The following CFAP54 variants were observed in gnomAD, a reference collection of about 807,000 sequenced individuals.
The protein encoded by CFAP54 is cilia and flagella associated protein 54.
A neutral mutation model predicts 370.4 loss-of-function variants in CFAP54; 290 were observed. The observed-to-expected ratio is 0.78, with a 90% CI of 0.71 to 0.86. CFAP54 has a LOEUF of 0.86. CFAP54 is among the 40% of genes least tolerant of loss of function. CFAP54 has a pLI of 0.00. For synonymous variants in CFAP54, 1,206 were observed against 1,236.5 expected (o/e 0.98, Z 0.52); for missense variants, 3,399 against 3,528.7 (o/e 0.96, Z 0.93).
chr12:96,625,778 A>C lies in CFAP54; in HGVS notation c.3947A>C (p.Asn1316Thr). 1 of 1,535,818 alleles carries C rather than the reference A, an allele frequency of 6.5e-7. No homozygotes were observed. Among genetic ancestry groups the C allele is most frequent in the Non-Finnish European group, 8.7e-7 (1 of 1,146,712 alleles). The stretch of plus-strand genomic sequence containing the variant: ...ATATTTCTTTATCCTGTAGTTTTGA[A>C]TTGGTCGGTCAAAGGTGCCGTGAAA... The part of the protein sequence containing the change: ...DPIFLYPVVL[N>T]WSVKGAVKEV... Residue 1316 changes from asparagine (N) to threonine (T), a missense_variant, in exon 29 of 68, where the codon AAT becomes ACT. Physicochemically the swap from Asn to Thr is moderately conservative, Grantham distance 65 (BLOSUM62 0). Coordinates refer to ENST00000524981, the MANE Select transcript of CFAP54 (RefSeq NM_001306084.2).
chr12:96,818,998 T>A (rs1309183821), intron 65 of CFAP54, among the ~76,000 whole-genome samples: 3 of 152,264 alleles, frequency 2.0e-5, no homozygotes, highest in Non-Finnish European at 4.4e-5. Flanking sequence ...TCTGTACTTA[T>A]TGTAGCTGTT....
chr12:96,667,473 G>A (rs1957095164), intron 39 of CFAP54, among the ~76,000 whole-genome samples: 1 of 152,186 alleles, frequency 6.6e-6, no homozygotes, highest in Non-Finnish European at 1.5e-5. Context: ...CTGTGCACCT[G>A]CAGACTCAAC....
At chr12:96,760,607 A>G (rs1390034554) in intron 58 of CFAP54, among the ~76,000 whole-genome samples, 1 of 152,212 alleles carries the variant, frequency 6.6e-6, no homozygotes, top group Non-Finnish European at 1.5e-5. Flanking sequence ...ATCTAGGCTC[A>G]CTGCAACCTC....
Position 96,800,889 on chromosome 12 carries a change from A to G in CFAP54, c.8850+8390A>G, listed in dbSNP as rs537227628. The stretch of plus-strand genomic sequence containing the variant: ...GAATATTAGTGGGCAAGGAGTCAGG[A>G]CTGAAGCAATCTGACTCCAGAGTCT... On this transcript the variant is annotated intron_variant, in intron 63 of 67. Transcript: ENST00000524981. Among the ~76,000 whole-genome samples the G allele has an allele frequency of 4.6e-5, 7 of 152,354 alleles. No individual in the cohort carries two copies. The South Asian group carries it at 1.4e-3, about 32-fold the overall frequency.
In CFAP54 at chr12:96,703,150, T is replaced by A. The variant is rs182046099; in HGVS notation, c.6475-1593T>A. On this transcript the variant is annotated intron_variant, in intron 46 of 67. Transcript: ENST00000524981. Reference sequence around the variant, plus strand: ...TGATATATCGTTTTGGGAGGTTCCCTTAAAAGCAGATCCTGAGACTAGGAT... The same window carrying A: ...TGATATATCGTTTTGGGAGGTTCCCATAAAAGCAGATCCTGAGACTAGGAT... Among the ~76,000 whole-genome samples the A allele has an allele frequency of 2.6e-5, 4 of 152,300 alleles. No homozygotes were observed. In the East Asian group the frequency reaches 7.7e-4, roughly 29 times the overall value.
In CFAP54 at chr12:96,827,120, A is replaced by G. The variant is rs199837824; in HGVS notation, c.9097-1894A>G. Among the ~76,000 whole-genome samples, 152 of 87,626 alleles carry G rather than the reference A, an allele frequency of 1.7e-3. 2 individuals are homozygous for G. Among genetic ancestry groups the G allele is most frequent in the African/African-American group, 5.5e-3 (110 of 20,166 alleles). The allele number at this position is 87,626 out of a possible 152,430, so 57.5% of individuals were successfully genotyped here. On this transcript the variant is annotated intron_variant, in intron 65 of 67. Transcript: ENST00000524981. ...GTGCAATTATATGTGATTATATATA[A>G]TGTGCAATTATATGTGATTATATAT...
intron 15 of CFAP54, among the ~76,000 whole-genome samples, chr12:96,550,036 CAGAG>C: frequency 6.6e-6 from 1 of 152,302 alleles, no homozygotes; most frequent in South Asian, 2.1e-4. Flanking sequence ...TTACTGAACA[CAGAG>C]CATTTCTTTC....
intron 63 of CFAP54, among the ~76,000 whole-genome samples, chr12:96,810,252 C>CTG (rs1565986346): frequency 6.6e-6 from 1 of 152,172 alleles, no homozygotes; most frequent in Non-Finnish European, 1.5e-5. Flanking sequence ...CCTTTCCTTT[C>CTG]TGCTGAGTCA....
intron 19 of CFAP54, among the ~76,000 whole-genome samples, chr12:96,573,328 T>C (rs1955943163): frequency 6.6e-6 from 1 of 152,220 alleles, no homozygotes; most frequent in Non-Finnish European, 1.5e-5. Context: ...CTCCTTTTTG[T>C]TCAGGTAGGA....
intron 63 of CFAP54, among the ~76,000 whole-genome samples, chr12:96,808,746 A>T (rs1477400129): frequency 1.3e-5 from 2 of 152,182 alleles, no homozygotes; most frequent in African/African-American, 4.8e-5. Flanking sequence ...TAAAAAATGC[A>T]GACCAGATGT....
At chr12:96,806,850 C>T (rs1170838417) in intron 63 of CFAP54, among the ~76,000 whole-genome samples, 1 of 152,130 alleles carries the variant, frequency 6.6e-6, no homozygotes, top group Non-Finnish European at 1.5e-5. Context: ...TAGGGACTGA[C>T]ATTTGAAATG....
At chr12:96,831,291 GAT>G (rs1959170513) in intron 66 of CFAP54, among the ~76,000 whole-genome samples, 1 of 152,164 alleles carries the variant, frequency 6.6e-6, no homozygotes, top group Non-Finnish European at 1.5e-5. Flanking sequence ...CAATAAATGA[GAT>G]AATTTTAGAT....
At chr12:96,669,736 C>T (rs1206319712) in intron 39 of CFAP54, among the ~76,000 whole-genome samples, 1 of 152,146 alleles carries the variant, frequency 6.6e-6, no homozygotes, top group African/African-American at 2.4e-5. Flanking sequence ...TTCATCCAAA[C>T]TTGGATGACA....
At chr12:96,649,758 T>C (rs1956837268) in intron 34 of CFAP54, 133 bp from the exon 35 acceptor site, 1 of 577,724 alleles carries the variant, frequency 1.7e-6, no homozygotes, top group Non-Finnish European at 2.9e-6. Flanking sequence ...GTATCTCTGA[T>C]AGTCTTGTCC....
rs1304762477 is a variant in CFAP54, at chr12:96,589,555, A to G, written c.3204A>G (p.Thr1068=). The G allele has an allele frequency of 7.0e-7, 1 of 1,432,564 alleles. No homozygotes were observed. The highest frequency in any genetic ancestry group is 9.4e-7 in the Non-Finnish European group (1 of 1,059,346). 88.7% of individuals were successfully genotyped at this position (1,432,564 alleles called of 1,614,324 possible). A position where few individuals can be genotyped will look rare whatever the true frequency, so the allele number is the denominator to read the frequency against. Residue 1068 remains threonine (T), a synonymous_variant, in exon 23 of 68, where the codon ACA becomes ACG. Coordinates refer to ENST00000524981, the MANE Select transcript of CFAP54 (RefSeq NM_001306084.2). The part of the protein sequence containing the change: ...VICLSNIITI[T]QRRLHSDILA... Reference sequence around the variant, plus strand: ...GTTTAAGCAATATAATTACTATTACACAAAGAAGGTAATTAGAAATATTCT... The same window carrying G: ...GTTTAAGCAATATAATTACTATTACGCAAAGAAGGTAATTAGAAATATTCT...
At position 96,810,982 on chromosome 12, in the gene CFAP54, T is replaced by G. The variant is rs146068466; in HGVS notation, c.8851-754T>G. Among the ~76,000 whole-genome samples the G allele has an allele frequency of 6.6e-5, 10 of 152,258 alleles. No homozygotes were observed. In the East Asian group the frequency reaches 1.7e-3, roughly 26 times the overall value. ...CTACCTGTGCTGGGTTAAAAGGTCTTGGTTCTGAGGTAGTTTCTAAGGCCT... is the reference window on the plus strand; with the variant it reads ...CTACCTGTGCTGGGTTAAAAGGTCTGGGTTCTGAGGTAGTTTCTAAGGCCT... On this transcript the variant is annotated intron_variant, in intron 63 of 67. Coordinates refer to ENST00000524981, the MANE Select transcript of CFAP54 (RefSeq NM_001306084.2).
chr12:96,738,766 A>G (rs1179831952), intron 50 of CFAP54, among the ~76,000 whole-genome samples: 1 of 151,840 alleles, frequency 6.6e-6, no homozygotes, highest in Non-Finnish European at 1.5e-5. Flanking sequence ...GCGTGCCACC[A>G]CGCCTGGCTA....
chr12:96,652,588 CAA>C (rs1046961628), intron 36 of CFAP54, among the ~76,000 whole-genome samples: 5 of 151,994 alleles, frequency 3.3e-5, no homozygotes, highest in African/African-American at 1.2e-4. Context: ...AACAAAGGAA[CAA>C]AAAACATGGG....
intron 55 of CFAP54, among the ~76,000 whole-genome samples, chr12:96,744,411 C>A (rs912428147): frequency 6.6e-6 from 1 of 152,054 alleles, no homozygotes; most frequent in Non-Finnish European, 1.5e-5. Flanking sequence ...GCACTTTATC[C>A]AGGTCATCAG....
Sources: allele counts gnomAD v4.1 joint callset (sites outside exome capture counted in the v4.1 genomes callset), GRCh38; gene constraint gnomAD v4.1.1; transcripts MANE v1.5; gene names NCBI Gene and HGNC (gene_info 2026-07-23, HGNC 2026-07-21).